Variants in PADI4 observed in about 807,000 individuals in gnomAD.
PADI4 encodes peptidyl arginine deiminase 4, also known as protein-arginine deiminase type-4.
PADI4 carries 62 observed loss-of-function variants against 75.0 expected under a neutral mutation model. The observed-to-expected ratio is 0.83, with a 90% confidence interval of 0.67 to 1.02. The LOEUF (loss-of-function observed/expected upper bound fraction) is 1.02, where lower values mean the gene tolerates loss of function less well. Ranked by LOEUF, PADI4 falls within the 50% of genes least tolerant of loss-of-function variation. The pLI, the probability that PADI4 is intolerant of heterozygous loss-of-function variation, is 0.00. For missense variants in PADI4, 845 were observed against 850.5 expected (o/e 0.99, Z 0.08); for synonymous variants, 361 against 348.1 (o/e 1.04, Z -0.41).
intron 2 of PADI4, among the ~76,000 whole-genome samples, chr1:17,331,777 G>T (rs1439707085): frequency 3.3e-5 from 5 of 152,120 alleles, no homozygotes; most frequent in Non-Finnish European, 7.4e-5. Context: ...AATTAGCTGG[G>T]CGTAGTGGCG....
At chr1:17,354,009 G>A (rs1336848595) in intron 10 of PADI4, among the ~76,000 whole-genome samples, 1 of 151,906 alleles carries the variant, frequency 6.6e-6, no homozygotes, top group Non-Finnish European at 1.5e-5. Flanking sequence ...GGAGGTCGAG[G>A]CAGATGGATC....
chr1:17,319,728 C>T (rs148565293), intron 1 of PADI4, among the ~76,000 whole-genome samples: 2 of 152,250 alleles, frequency 1.3e-5, no homozygotes, highest in South Asian at 2.1e-4. Flanking sequence ...GACAGAAAAA[C>T]GAAAGTGACC....
rs1406721754 is a variant in PADI4, at chr1:17,347,925, C to T, written c.1048-16C>T. 2.7e-6 allele frequency: 4 copies of T among 1,507,458 alleles called. No homozygotes were observed. Among genetic ancestry groups the T allele is most frequent in the Admixed American group, 1.9e-5 (1 of 53,366 alleles). 93.4% of individuals were successfully genotyped at this position (1,507,458 alleles called of 1,614,324 possible). On this transcript the variant is annotated splice_polypyrimidine_tract_variant and intron_variant, in intron 9 of 15. Coordinates refer to ENST00000375448, the MANE Select transcript of PADI4 (RefSeq NM_012387.3). Reference sequence around the variant, plus strand: ...GGCAGCACGCGCAACAGCCTCCTCTCCACTCACTCCCACAGGATGAAATGG... The same window carrying T: ...GGCAGCACGCGCAACAGCCTCCTCTTCACTCACTCCCACAGGATGAAATGG...
intron 4 of PADI4, among the ~76,000 whole-genome samples, chr1:17,337,658 C>G (rs1464303001): frequency 2.0e-5 from 3 of 151,994 alleles, no homozygotes; most frequent in Non-Finnish European, 4.4e-5. Context: ...TGGCTCATGC[C>G]TGTAATCCCA....
intron 8 of PADI4, among the ~76,000 whole-genome samples, chr1:17,345,109 A>G (rs1338211695): frequency 6.6e-6 from 1 of 152,250 alleles, no homozygotes; most frequent in Non-Finnish European, 1.5e-5. Context: ...CTCTTGTGTC[A>G]GCATGACCTG....
chr1:17,309,677 G>A (rs572290495), intron 1 of PADI4, among the ~76,000 whole-genome samples: 18 of 152,322 alleles, frequency 1.2e-4, no homozygotes, highest in South Asian at 8.3e-4. Flanking sequence ...CAGGAGTGCC[G>A]GGGACATTTC....
intron 1 of PADI4, among the ~76,000 whole-genome samples, chr1:17,326,294 T>C (rs2074116403): frequency 6.6e-6 from 1 of 152,212 alleles, no homozygotes; most frequent in African/African-American, 2.4e-5. Context: ...TTACATTACA[T>C]TTTCTTTTTC....
At chr1:17,340,950 G>A (rs2074407781) in intron 6 of PADI4, among the ~76,000 whole-genome samples, 1 of 148,764 alleles carries the variant, frequency 6.7e-6, no homozygotes, top group Non-Finnish European at 1.5e-5. Flanking sequence ...ACAAGCATGT[G>A]CCACCACATC....
Position 17,331,052 on chromosome 1 carries a change from A to G in PADI4, c.176A>G (p.Lys59Arg), listed in dbSNP as rs1201164120. 6.2e-7 allele frequency: 1 copy of G among 1,610,526 alleles called. No homozygotes were observed. The highest frequency in any genetic ancestry group is 8.5e-7 in the Non-Finnish European group (1 of 1,178,440). The change falls in exon 2 of 16, where the codon AAG (lysine) becomes AGG (arginine). Residue 59 changes from lysine (K) to arginine (R), a missense_variant. Coordinates refer to ENST00000375448, the MANE Select transcript of PADI4 (RefSeq NM_012387.3). ...GATATTGCCCACGGCCCTCCAGCCA[A>G]GAAGAAATCCACAGGTTCCTCCACA... Reference protein sequence around the residue: ...VVDIAHGPPAKKKSTGSSTWP... With the variant: ...VVDIAHGPPARKKSTGSSTWP...
rs2074262197 is a variant in PADI4, at chr1:17,333,976, C to G, written c.307C>G (p.Pro103Ala). ...TTCATACTACGGACCCAAGACTCCA[C>G]CAGTCAAAGCTCTACTCTACCTCAC... ...QISYYGPKTP[P>A]VKALLYLTGV... Residue 103 changes from proline (P) to alanine (A), a missense_variant, in exon 3 of 16, where the codon CCA becomes GCA. By Grantham distance (27) the Pro-to-Ala change is conservative. Transcript: ENST00000375448. 3 of 1,612,744 alleles carry G rather than the reference C, an allele frequency of 1.9e-6. No individual in the cohort carries two copies. The highest frequency in any genetic ancestry group is 1.7e-5 in the Admixed American group (1 of 59,986).
chr1:17,336,191 G>A lies in PADI4; in HGVS notation c.373G>A (p.Gly125Ser), dbSNP rs753665741. 63 of 1,613,554 alleles carry A rather than the reference G, an allele frequency of 3.9e-5. No individual in the cohort carries two copies. The highest frequency in any genetic ancestry group is 5.3e-5 in the Non-Finnish European group (62 of 1,179,594). Residue 125 changes from glycine to serine, a missense_variant, in exon 4 of 16, where the codon GGC (glycine) becomes AGC (serine). Coordinates refer to ENST00000375448, the MANE Select transcript of PADI4 (RefSeq NM_012387.3). ...CTTGTGCGCAGACATCACCCGCACC[G>A]GCAAAGTGAAGCCAACCAGAGCTGT... ...ISLCADITRT[G>S]KVKPTRAVKD...
chr1:17,358,985 G>T, intron 14 of PADI4, 77 bp downstream of exon 14: 1 of 948,128 alleles, frequency 1.1e-6, no homozygotes, highest in East Asian at 2.6e-5. Context: ...GTGATTAGAG[G>T]CACACAGAGG....
intron 9 of PADI4, among the ~76,000 whole-genome samples, chr1:17,347,257 C>A (rs1389452635): frequency 2.6e-5 from 4 of 152,094 alleles, no homozygotes; most frequent in Admixed American, 1.3e-4. Context: ...TTTTTTGATA[C>A]CAAGTTGACC....
At chr1:17,321,034 T>A (rs987658375) in intron 1 of PADI4, among the ~76,000 whole-genome samples, 1 of 152,184 alleles carries the variant, frequency 6.6e-6, no homozygotes, top group Admixed American at 6.5e-5. Flanking sequence ...TTTGGGGGAC[T>A]AGGGTGTGGT....
intron 3 of PADI4, among the ~76,000 whole-genome samples, chr1:17,335,782 T>C (rs1270759342): frequency 6.6e-6 from 1 of 151,938 alleles, no homozygotes; most frequent in Non-Finnish European, 1.5e-5. Flanking sequence ...GGGGCCAGAG[T>C]CTTTCGAGAG....
At chr1:17,342,910 G>A (rs1395835849) in intron 8 of PADI4, among the ~76,000 whole-genome samples, 6 of 152,254 alleles carry the variant, frequency 3.9e-5, no homozygotes, top group Non-Finnish European at 7.3e-5. Context: ...TGGAGGCGGA[G>A]GTTGCAGTGA....
Position 17,356,184 on chromosome 1 carries a change from G to A in PADI4, c.1455+57G>A. On this transcript the variant is annotated intron_variant, in intron 12 of 15. Transcript: ENST00000375448. The surrounding 1 kb of genome is among the most constrained non-coding windows in gnomAD (Gnocchi z 4.1). ...TGCCTCCTTCCTGGGTAGACCCTCTGCCTGGGGTGGGAGCAACTTTACTTG... is the reference window on the plus strand; with the variant it reads ...TGCCTCCTTCCTGGGTAGACCCTCTACCTGGGGTGGGAGCAACTTTACTTG... 6.4e-7 allele frequency: 1 copy of A among 1,570,990 alleles called. No individual in the cohort carries two copies. Among genetic ancestry groups the A allele is most frequent in the Non-Finnish European group, 8.7e-7 (1 of 1,148,538 alleles).
intron 9 of PADI4, among the ~76,000 whole-genome samples, chr1:17,347,731 C>T (rs1307662541): frequency 6.6e-6 from 1 of 152,232 alleles, no homozygotes; most frequent in African/African-American, 2.4e-5. Flanking sequence ...GAAGGGCACT[C>T]CTGCAGGCTC....
intron 1 of PADI4, among the ~76,000 whole-genome samples, chr1:17,324,475 T>A (rs2074087572): frequency 6.6e-6 from 1 of 152,194 alleles, no homozygotes; most frequent in Admixed American, 6.5e-5. Context: ...GAATTTATTT[T>A]CTTTTTTAAT....
Sources: allele counts gnomAD v4.1 joint callset (sites outside exome capture counted in the v4.1 genomes callset), GRCh38; gene constraint gnomAD v4.1.1; non-coding constraint Gnocchi (gnomAD v3.1); transcripts MANE v1.5; gene names NCBI Gene and HGNC (gene_info 2026-07-23, HGNC 2026-07-21).